PPP1R14C: variants seen among roughly 807,000 people sequenced by gnomAD.
The protein encoded by PPP1R14C is protein phosphatase 1 regulatory subunit 14C.
Under a neutral mutation model 20.4 loss-of-function variants are expected in PPP1R14C, and 16 were observed. The observed-to-expected ratio is 0.78, with a 90% CI of 0.53 to 1.19. PPP1R14C has a LOEUF of 1.19. Among genes scored for constraint, PPP1R14C ranks in the 50% most tolerant of loss-of-function variants. The probability of loss-of-function intolerance (pLI) is 0.00; values close to 1 mark genes in which losing one functional copy is unlikely to be tolerated. For synonymous variants in PPP1R14C, 91 were observed against 91.0 expected (o/e 1.00, Z 0.00); for missense variants, 211 against 220.1 (o/e 0.96, Z 0.26).
intron 1 of PPP1R14C, among the ~76,000 whole-genome samples, chr6:150,144,692 T>C (rs1212471120): frequency 2.6e-5 from 4 of 152,234 alleles, no homozygotes; most frequent in Admixed American, 2.0e-4. Context: ...ACACCCTCAT[T>C]GCACAAGAAA....
chr6:150,148,650 A>G (rs1777206527), intron 1 of PPP1R14C, among the ~76,000 whole-genome samples: 1 of 151,950 alleles, frequency 6.6e-6, no homozygotes. Context: ...GCTACTTAGA[A>G]CTCGTCTTGT....
intron 1 of PPP1R14C, among the ~76,000 whole-genome samples, chr6:150,153,825 G>A (rs1032072558): frequency 9.2e-5 from 14 of 152,268 alleles, no homozygotes; most frequent in African/African-American, 3.1e-4. Context: ...AAGAATCCAC[G>A]GGGAAATCTG....
intron 3 of PPP1R14C, among the ~76,000 whole-genome samples, chr6:150,246,483 A>G (rs745825679): frequency 3.9e-4 from 59 of 152,234 alleles, no homozygotes; most frequent in Non-Finnish European, 7.6e-4. Context: ...AATTGAATAT[A>G]AATAGGAAAA....
intron 3 of PPP1R14C, among the ~76,000 whole-genome samples, chr6:150,218,404 GA>G (rs1357691045): frequency 7.7e-6 from 1 of 129,804 alleles, no homozygotes. Flanking sequence ...CTCCGTCTCA[GA>G]AAAAAAAAGA....
chr6:150,231,815 T>C (rs1019734264), intron 3 of PPP1R14C, among the ~76,000 whole-genome samples: 2 of 152,238 alleles, frequency 1.3e-5, no homozygotes, highest in Non-Finnish European at 2.9e-5. Flanking sequence ...CAGAAAGCTG[T>C]CGTTCATTCA....
intron 2 of PPP1R14C, 136 bp from the exon 3 acceptor site, chr6:150,216,688 C>T (rs571752548): frequency 2.7e-5 from 17 of 634,888 alleles, no homozygotes; most frequent in East Asian, 2.7e-4. Flanking sequence ...AAATGAAGTG[C>T]GTTTCTAGAT....
intron 1 of PPP1R14C, among the ~76,000 whole-genome samples, chr6:150,161,229 G>A (rs906350390): frequency 2.6e-5 from 4 of 151,498 alleles, no homozygotes; most frequent in African/African-American, 4.9e-5. Flanking sequence ...GCAGTGAGCC[G>A]AGATCATGCC....
chr6:150,243,330 C>T lies in PPP1R14C; in HGVS notation c.424-5416C>T, dbSNP rs531809172. 7.9e-5 allele frequency among the ~76,000 whole-genome samples: 12 copies of T among 152,258 alleles called. No individual in the cohort carries two copies. In the East Asian group the frequency reaches 2.1e-3, roughly 27 times the overall value. On this transcript the variant is annotated intron_variant, in intron 3 of 3. Transcript: ENST00000361131. ...AGCTGGGATTACAGGCACCTGCCAC[C>T]ATGCCTGGCTAATTTTTGTATTTTT...
intron 1 of PPP1R14C, among the ~76,000 whole-genome samples, chr6:150,168,773 A>G (rs1323888138): frequency 6.6e-6 from 1 of 152,230 alleles, no homozygotes; most frequent in Non-Finnish European, 1.5e-5. Context: ...TTACAACTTT[A>G]TTATATAATT....
intron 3 of PPP1R14C, among the ~76,000 whole-genome samples, chr6:150,232,475 CTTGT>C (rs1484971007): frequency 6.6e-6 from 1 of 152,160 alleles, no homozygotes; most frequent in Non-Finnish European, 1.5e-5. Context: ...TAAAAAAAGG[CTTGT>C]TTAAGAAATC....
At chr6:150,246,768 G>C (rs1778497681) in intron 3 of PPP1R14C, among the ~76,000 whole-genome samples, 1 of 152,108 alleles carries the variant, frequency 6.6e-6, no homozygotes, top group Non-Finnish European at 1.5e-5. Context: ...TCCAGTGGTG[G>C]GAGGAATTAA....
At chr6:150,211,140 A>G (rs1353555803) in intron 1 of PPP1R14C, among the ~76,000 whole-genome samples, 8 of 152,024 alleles carry the variant, frequency 5.3e-5, no homozygotes, top group Admixed American at 3.9e-4. Context: ...TGAATCACTA[A>G]AGCGCTTCAG....
chr6:150,244,877 G>GT (rs1317901279), intron 3 of PPP1R14C, among the ~76,000 whole-genome samples: 3 of 151,582 alleles, frequency 2.0e-5, no homozygotes, highest in Non-Finnish European at 4.4e-5. Context: ...ACACATAGTT[G>GT]TTTTTTTGGT....
intron 1 of PPP1R14C, among the ~76,000 whole-genome samples, chr6:150,174,898 G>A (rs551296385): frequency 9.2e-5 from 14 of 151,804 alleles, no homozygotes; most frequent in Admixed American, 2.0e-4. Context: ...CCCGGGAGGC[G>A]GAGGTTGCGG....
At chr6:150,156,182 A>G (rs962401741) in intron 1 of PPP1R14C, among the ~76,000 whole-genome samples, 4 of 151,828 alleles carry the variant, frequency 2.6e-5, no homozygotes, top group African/African-American at 9.7e-5. Context: ...CTCTTGGTCT[A>G]TCTATTTAGA....
chr6:150,202,956 C>T (rs1328310743), intron 1 of PPP1R14C, among the ~76,000 whole-genome samples: 2 of 152,140 alleles, frequency 1.3e-5, no homozygotes, highest in Non-Finnish European at 2.9e-5. Flanking sequence ...CCCTCCAGTC[C>T]GGTTGTCCTT....
intron 3 of PPP1R14C, among the ~76,000 whole-genome samples, chr6:150,231,521 C>G (rs1314336395): frequency 3.3e-5 from 5 of 152,316 alleles, no homozygotes; most frequent in Non-Finnish European, 7.3e-5. Flanking sequence ...AGTGTCTCCT[C>G]TCTCTTTTTC....
intron 1 of PPP1R14C, among the ~76,000 whole-genome samples, chr6:150,149,443 A>ATTTTTTTTTT (rs1216146263): frequency 5.0e-5 from 6 of 119,946 alleles, no homozygotes; most frequent in African/African-American, 2.0e-4. Flanking sequence ...CTCCCACCTA[A>ATTTTTTTTTT]TTTTTTTTTT....
intron 1 of PPP1R14C, among the ~76,000 whole-genome samples, chr6:150,186,370 G>A (rs1338366425): frequency 2.0e-5 from 3 of 152,174 alleles, no homozygotes; most frequent in African/African-American, 4.8e-5. Context: ...CCTCAGAGGG[G>A]AGTGTGTTAC....
Sources: gnomAD v4.1 joint callset for allele counts (sites outside exome capture counted in the v4.1 genomes callset) on GRCh38, gnomAD v4.1.1 for gene constraint, MANE v1.5 for transcripts, NCBI Gene and HGNC (gene_info 2026-07-23, HGNC 2026-07-21) for gene names.